The following SH3BP4 variants were observed in gnomAD, a reference collection of about 807,000 sequenced individuals.
SH3BP4 encodes SH3 domain binding protein 4.
A neutral mutation model predicts 65.5 loss-of-function variants in SH3BP4; 33 were observed. The ratio of observed to expected loss-of-function variants is 0.50; its 90% CI spans 0.38 to 0.67. SH3BP4 has a LOEUF of 0.67. Ranked by LOEUF, SH3BP4 falls within the 30% of genes least tolerant of loss-of-function variation. SH3BP4 has a pLI of 0.00. For synonymous variants in SH3BP4, 552 were observed against 545.5 expected, an observed-to-expected ratio of 1.01 and a Z score of -0.17; for missense variants, 1,134 against 1,261.4, an observed-to-expected ratio of 0.90 and a Z score of 1.53.
rs6724857 is a variant in SH3BP4, at chr2:234,968,121, T to A, written c.-207+15951T>A. Reference sequence around the variant, plus strand: ...TGGGCTGTAGCCAGGTAGTTAGGGATCTGGTCAGCTCGGTGGTAGCAATGA... The same window carrying A: ...TGGGCTGTAGCCAGGTAGTTAGGGAACTGGTCAGCTCGGTGGTAGCAATGA... On this transcript the variant is annotated intron_variant, in intron 1 of 5. Transcript: ENST00000392011. 2.0e-3 allele frequency among the ~76,000 whole-genome samples: 300 copies of A among 152,298 alleles called. 1 individual carries two copies. The highest frequency in any genetic ancestry group is 6.9e-3 in the African/African-American group (286 of 41,558).
intron 2 of SH3BP4, chr2:235,008,452 G>A (rs771454907): frequency 6.6e-6 from 1 of 152,306 alleles, no homozygotes; most frequent in African/African-American, 2.4e-5. Flanking sequence ...GGCGGAGAAC[G>A]CTTGAGGTGC....
At chr2:234,972,905 T>C (rs1693041098) in intron 1 of SH3BP4, among the ~76,000 whole-genome samples, 1 of 152,060 alleles carries the variant, frequency 6.6e-6, no homozygotes, top group South Asian at 2.1e-4. Context: ...TTGCAGATTG[T>C]TGAGAGTGAA....
At chr2:234,965,852 G>A (rs868161027) in intron 1 of SH3BP4, among the ~76,000 whole-genome samples, 5 of 152,186 alleles carry the variant, frequency 3.3e-5, no homozygotes, top group Non-Finnish European at 5.9e-5. Context: ...AAAAACTTGC[G>A]CTTGTGTGAC....
In SH3BP4 at chr2:235,041,497, G is replaced by A. The variant is rs144140235; in HGVS notation, c.728G>A (p.Arg243His). The A allele has an allele frequency of 6.8e-6, 11 of 1,614,022 alleles. No homozygotes were observed. The highest frequency in any genetic ancestry group is 6.7e-5 in the African/African-American group (5 of 74,926). The change falls in exon 4 of 6, where the codon CGC becomes CAC. Residue 243 changes from arginine (R) to histidine (H), a missense_variant. Transcript: ENST00000392011. This position sits in a 1 kb window ranked among gnomAD's most constrained non-coding sequence, Gnocchi z 6.0. The part of the protein sequence containing the change: ...RRDNPFFRSK[R>H]SYSLSELSVL... ...GACAACCCCTTCTTCAGAAGCAAGC[G>A]CTCCTACAGTCTCTCGGAACTCTCC... is the stretch of plus-strand genomic sequence containing the variant.
chr2:234,985,592 G>A (rs4663176), intron 1 of SH3BP4, among the ~76,000 whole-genome samples: 12,320 of 152,052 alleles, frequency 0.081, 1,102 homozygotes, highest in East Asian at 0.5. Flanking sequence ...GACTCTCCGC[G>A]CACAGGTATT....
Position 235,045,050 on chromosome 2 carries a change from C to T in SH3BP4, c.2478+1803C>T, listed in dbSNP as rs1695805819. Among the ~76,000 whole-genome samples the T allele has an allele frequency of 6.6e-6, 1 of 152,192 alleles. No homozygotes were observed. ...GGGAGGGGATGGCCTGCGTCCCTCC[C>T]ATCAGCCATCACCCATGTGTGATTC... On this transcript the variant is annotated intron_variant, in intron 4 of 5. Transcript: ENST00000392011. The surrounding 1 kb of genome is among the most constrained non-coding windows in gnomAD (Gnocchi z 4.3).
rs1219701024 is a variant in SH3BP4 at position 235,053,597 on chromosome 2, G to T, written c.2673G>T (p.Met891Ile). 2 of 1,613,802 alleles carry T rather than the reference G, an allele frequency of 1.2e-6. No individual in the cohort carries two copies. The highest frequency in any genetic ancestry group is 1.7e-6 in the Non-Finnish European group (2 of 1,179,748). ...DRNGVVDSEA[M>I]WKPAYDFLLT... The stretch of plus-strand genomic sequence containing the variant: ...TTTACAACTCCACCTCCCAGGCCAT[G>T]TGGAAGCCTGCGTATGACTTCTTAC... The change falls in exon 6 of 6, where the codon ATG becomes ATT. Residue 891 changes from methionine to isoleucine, a missense_variant. Coordinates refer to ENST00000392011, the MANE Select transcript of SH3BP4 (RefSeq NM_014521.3).
chr2:235,024,956 GC>G (rs1280889919), intron 2 of SH3BP4, among the ~76,000 whole-genome samples: 12 of 151,958 alleles, frequency 7.9e-5, no homozygotes, highest in Non-Finnish European at 1.5e-4. Flanking sequence ...GGGCCTCTCT[GC>G]TTGCTGCTCT....
At chr2:234,955,836 A>G (rs73124219) in intron 1 of SH3BP4, among the ~76,000 whole-genome samples, 7,059 of 152,270 alleles carry the variant, frequency 0.046, 332 homozygotes, top group African/African-American at 0.13. Context: ...CACGAAAACT[A>G]CCAGGGGTTT....
rs765581617 is a variant in SH3BP4 at position 235,042,830 on chromosome 2, C to T, written c.2061C>T (p.Ser687=). 1.9e-5 allele frequency: 30 copies of T among 1,613,954 alleles called. No individual in the cohort carries two copies. The highest frequency in any genetic ancestry group is 5.3e-5 in the African/African-American group (4 of 75,064). The change falls in exon 4 of 6, where the codon AGC becomes AGT. Residue 687 remains serine, a synonymous_variant. Coordinates refer to ENST00000392011, the MANE Select transcript of SH3BP4 (RefSeq NM_014521.3). This position sits in a 1 kb window ranked among gnomAD's most constrained non-coding sequence, Gnocchi z 7.3. ...YKKGDGIALL[S]EERVRLRGQL... ...AGGGCGACGGGATCGCCCTGCTCAG[C>T]GAGGAGCGGGTCAGGCTCCGGGGCC...
chr2:235,025,268 G>C (rs538847880), intron 2 of SH3BP4, among the ~76,000 whole-genome samples: 23 of 152,272 alleles, frequency 1.5e-4, no homozygotes, highest in African/African-American at 5.5e-4. Context: ...GGAAGATGTA[G>C]GTGAAGAGCT....
In SH3BP4 at chr2:235,050,129, T is replaced by A. The variant is rs536991130; in HGVS notation, c.2479-2433T>A. 3.6e-4 allele frequency among the ~76,000 whole-genome samples: 54 copies of A among 152,066 alleles called. 1 individual carries two copies. The Middle Eastern group carries it at 0.01, about 29-fold the overall frequency. ...GGGTTTCTTTTTTTTTCTTTTCTTT[T>A]TTTTGAGACGGAGTCTCGCTCTGTC... On this transcript the variant is annotated intron_variant, in intron 4 of 5. Coordinates refer to ENST00000392011, the MANE Select transcript of SH3BP4 (RefSeq NM_014521.3).
intron 1 of SH3BP4, among the ~76,000 whole-genome samples, chr2:234,984,283 A>G (rs577776298): frequency 1.3e-5 from 2 of 152,116 alleles, no homozygotes; most frequent in South Asian, 2.1e-4. Context: ...GCTCACTGCA[A>G]CCTCGACCTC....
chr2:235,023,120 A>T (rs925316150), intron 2 of SH3BP4, among the ~76,000 whole-genome samples: 5 of 152,328 alleles, frequency 3.3e-5, no homozygotes, highest in Admixed American at 3.3e-4. Context: ...TTAGTACACA[A>T]TTAGAGGTGC....
intron 2 of SH3BP4, among the ~76,000 whole-genome samples, chr2:235,015,558 T>A (rs569663201): frequency 3.3e-5 from 5 of 152,312 alleles, no homozygotes; most frequent in Admixed American, 3.3e-4. Context: ...AAGGATGGTT[T>A]GAGTCCAGTG....
rs941029540 is a variant in SH3BP4, at chr2:235,030,554, G to A, written c.-132-4317G>A. On this transcript the variant is annotated intron_variant, in intron 2 of 5. Transcript: ENST00000392011. The surrounding 1 kb of genome is among the most constrained non-coding windows in gnomAD (Gnocchi z 4.1). ...TGTTAGATGCCGTTAGAATCCATCGGGGGAAGTGGGTGATCCAGGGGAGAT... is the reference window on the plus strand; with the variant it reads ...TGTTAGATGCCGTTAGAATCCATCGAGGGAAGTGGGTGATCCAGGGGAGAT... Among the ~76,000 whole-genome samples, 1 of 152,112 alleles carries A rather than the reference G, an allele frequency of 6.6e-6. No individual in the cohort carries two copies. Among genetic ancestry groups the A allele is most frequent in the Admixed American group, 6.5e-5 (1 of 15,280 alleles).
chr2:235,019,651 G>A (rs1298743487), intron 2 of SH3BP4, among the ~76,000 whole-genome samples: 1 of 151,734 alleles, frequency 6.6e-6, no homozygotes, highest in African/African-American at 2.4e-5. Context: ...GGTCAGTCTG[G>A]TCTCGAACTC....
chr2:235,012,095 GT>G (rs1327563762), intron 2 of SH3BP4, among the ~76,000 whole-genome samples: 1 of 152,218 alleles, frequency 6.6e-6, no homozygotes, highest in Non-Finnish European at 1.5e-5. Context: ...CAGCTTATTG[GT>G]TTAAACACTC....
At chr2:234,987,643 G>A (rs1162895240) in intron 1 of SH3BP4, among the ~76,000 whole-genome samples, 4 of 152,148 alleles carry the variant, frequency 2.6e-5, no homozygotes, top group Non-Finnish European at 4.4e-5. Flanking sequence ...AGCCTAGGAC[G>A]CCTTCCTTGA....
Sources: allele counts gnomAD v4.1 joint callset (sites outside exome capture counted in the v4.1 genomes callset), GRCh38; gene constraint gnomAD v4.1.1; non-coding constraint Gnocchi (gnomAD v3.1); transcripts MANE v1.5; gene names NCBI Gene and HGNC (gene_info 2026-07-23, HGNC 2026-07-21).